Variants in ZC3H12B observed in about 807,000 individuals in gnomAD.
ZC3H12B encodes the protein probable ribonuclease ZC3H12B.
Under a neutral mutation model 43.9 loss-of-function variants are expected in ZC3H12B, and 7 were observed. The observed-to-expected ratio is 0.16, with a 90% CI of 0.09 to 0.30. The LOEUF is 0.30. Among genes scored for constraint, ZC3H12B ranks in the 10% least tolerant of loss-of-function variants. ZC3H12B has a pLI of 1.00. For missense variants in ZC3H12B, 475 were observed against 670.2 expected, an observed-to-expected ratio of 0.71 and a Z score of 3.22; for synonymous variants, 222 against 241.7, an observed-to-expected ratio of 0.92 and a Z score of 0.76.
At chrX:65,076,255 A>T in the ZC3H12B span, among the ~76,000 whole-genome samples, 2 of 109,158 alleles carry the variant, frequency 1.8e-5, no homozygotes, top group African/African-American at 6.7e-5. Flanking sequence ...CCTGGGCTCA[A>T]GTGACCCTGT....
At chrX:65,136,643 T>C in the ZC3H12B span, among the ~76,000 whole-genome samples, 2 of 111,556 alleles carry the variant, frequency 1.8e-5, no homozygotes, top group Admixed American at 9.5e-5. Flanking sequence ...TCTGTCCCAA[T>C]GGCATTTCTG....
intron 2 of ZC3H12B, among the ~76,000 whole-genome samples, chrX:65,379,130 T>G (rs748053298): frequency 8.9e-6 from 1 of 112,124 alleles, no homozygotes; most frequent in African/African-American, 3.2e-5. Flanking sequence ...CCTGCCTGCC[T>G]CTGTAGGCTC....
the ZC3H12B span, among the ~76,000 whole-genome samples, chrX:65,316,209 T>C: frequency 8.9e-6 from 1 of 111,757 alleles, no homozygotes; most frequent in East Asian, 2.8e-4. Flanking sequence ...CATATCAGCA[T>C]TGAAATAGAG....
the ZC3H12B span, among the ~76,000 whole-genome samples, chrX:65,105,535 ACTGAGATCTAGACCTTG>A: frequency 9.0e-6 from 1 of 111,601 alleles, no homozygotes; most frequent in Admixed American, 9.6e-5. Flanking sequence ...ATGGCCCAGG[ACTGAGATCTAGACCTTG>A]CTGGAAAGGG....
intron 3 of ZC3H12B, among the ~76,000 whole-genome samples, chrX:65,421,134 T>A (rs1468306037): frequency 1.8e-5 from 2 of 112,434 alleles, no homozygotes; most frequent in African/African-American, 6.5e-5. Flanking sequence ...CTGGACCTAG[T>A]GAAGAGGAAG....
At chrX:65,413,715 G>A (rs2066929761) in intron 3 of ZC3H12B, among the ~76,000 whole-genome samples, 1 of 111,691 alleles carries the variant, frequency 9.0e-6, no homozygotes, top group South Asian at 3.7e-4. Flanking sequence ...GAAAGTGTGA[G>A]TCCTCCAACT....
At chrX:65,314,832 CATAAG>C in the ZC3H12B span, among the ~76,000 whole-genome samples, 1 of 110,185 alleles carries the variant, frequency 9.1e-6, no homozygotes, top group African/African-American at 3.3e-5. Context: ...TGTATGTAGA[CATAAG>C]ATATATATCA....
chrX:65,152,707 T>G, the ZC3H12B span, among the ~76,000 whole-genome samples: 1 of 111,344 alleles, frequency 9.0e-6, no homozygotes. Flanking sequence ...CTACCAGACT[T>G]TCTTCACAGA....
the ZC3H12B span, among the ~76,000 whole-genome samples, chrX:65,114,026 T>TATATATATATATATATA: frequency 1.2e-3 from 95 of 82,528 alleles, no homozygotes; most frequent in East Asian, 2.8e-3. Flanking sequence ...TATATATATA[T>TATATATATATATATATA]TCATCTTTAG....
the ZC3H12B span, among the ~76,000 whole-genome samples, chrX:65,093,276 A>G: frequency 1.8e-5 from 2 of 112,190 alleles, no homozygotes; most frequent in African/African-American, 6.5e-5. Context: ...GCCCTCATGG[A>G]GAACCTCTGC....
Position 65,502,587 on chromosome X carries a change from A to C in ZC3H12B, c.1889A>C (p.His630Pro). 2.5e-6 allele frequency: 3 copies of C among 1,209,937 alleles called. No homozygotes were observed. In the South Asian group the frequency reaches 5.3e-5, roughly 21 times the overall value. The change falls in exon 5 of 5, where the codon CAT becomes CCT. Residue 630 changes from histidine (H) to proline (P), a missense_variant. Coordinates refer to ENST00000338957, the Ensembl canonical transcript of ZC3H12B. ...CAGAACCGACTTCAGCCTTTTCCTCATGGTTACCATGAAGCCTTAACACGA... is the reference window on the plus strand; with the variant it reads ...CAGAACCGACTTCAGCCTTTTCCTCCTGGTTACCATGAAGCCTTAACACGA...
chrX:65,335,086 A>G, the ZC3H12B span, among the ~76,000 whole-genome samples: 1 of 111,963 alleles, frequency 8.9e-6, no homozygotes, highest in African/African-American at 3.2e-5. Context: ...ACATGAAAGC[A>G]CTCTCATAAT....
At chrX:65,317,376 T>C in the ZC3H12B span, among the ~76,000 whole-genome samples, 1 of 111,013 alleles carries the variant, frequency 9.0e-6, no homozygotes, top group East Asian at 2.8e-4. Context: ...CAACCTACTC[T>C]TTTAAATTTT....
the ZC3H12B span, among the ~76,000 whole-genome samples, chrX:65,192,150 A>G: frequency 7.3e-5 from 8 of 109,377 alleles, no homozygotes; most frequent in Admixed American, 9.8e-5. Flanking sequence ...GTTTGATTAC[A>G]CTGTGGTCTG....
chrX:65,383,334 G>C (rs1397306710), intron 2 of ZC3H12B, among the ~76,000 whole-genome samples: 5 of 111,730 alleles, frequency 4.5e-5, no homozygotes, highest in African/African-American at 1.6e-4. Flanking sequence ...ACAAACCTGG[G>C]AAAAACAAGC....
chrX:65,229,286 G>T, the ZC3H12B span, among the ~76,000 whole-genome samples: 11 of 111,890 alleles, frequency 9.8e-5, no homozygotes, highest in African/African-American at 3.6e-4. Flanking sequence ...AATGGGGAAA[G>T]GATTCCCGAT....
chrX:65,100,581 A>AAAAAAAAAAAAAAAAAAAAAAAAAAAG, the ZC3H12B span, among the ~76,000 whole-genome samples: 1 of 101,740 alleles, frequency 9.8e-6, no homozygotes, highest in African/African-American at 3.6e-5. Flanking sequence ...AAAAAAAAAA[A>AAAAAAAAAAAAAAAAAAAAAAAAAAAG]AAAAAAAAAA....
At chrX:65,376,312 C>T (rs1285306548) in intron 2 of ZC3H12B, among the ~76,000 whole-genome samples, 1 of 112,027 alleles carries the variant, frequency 8.9e-6, no homozygotes, top group Non-Finnish European at 1.9e-5. Context: ...GGTGGCTGGA[C>T]AGTATTTCTG....
the ZC3H12B span, among the ~76,000 whole-genome samples, chrX:65,088,978 C>T: frequency 9.0e-6 from 1 of 111,572 alleles, no homozygotes; most frequent in East Asian, 2.8e-4. Context: ...ATTAAATTAG[C>T]TAATATAACT....
Sources: gnomAD v4.1 joint callset for allele counts (sites outside exome capture counted in the v4.1 genomes callset) on GRCh38, gnomAD v4.1.1 for gene constraint, MANE v1.5 for transcripts, NCBI Gene and HGNC (gene_info 2026-07-23, HGNC 2026-07-21) for gene names.